FNIP2: variants seen among roughly 807,000 people sequenced by gnomAD.
The protein encoded by FNIP2 is folliculin-interacting protein 2.
Under a neutral mutation model 108.7 loss-of-function variants are expected in FNIP2, and 32 were observed. The ratio of observed to expected loss-of-function variants is 0.29; its 90% CI spans 0.22 to 0.40. The LOEUF (loss-of-function observed/expected upper bound fraction) is 0.40. FNIP2 is among the 10% of genes least tolerant of loss of function. FNIP2 has a pLI of 1.00. For missense variants in FNIP2, 1,202 were observed against 1,381.6 expected (o/e 0.87, Z 2.06); for synonymous variants, 480 against 496.7 (o/e 0.97, Z 0.45).
intron 7 of FNIP2, among the ~76,000 whole-genome samples, chr4:158,846,764 C>T (rs1779424793): frequency 6.6e-6 from 1 of 152,192 alleles, no homozygotes; most frequent in Non-Finnish European, 1.5e-5. Context: ...GAAGCCTCCA[C>T]CGATCGTCCT....
At chr4:158,793,163 T>C (rs1435634095) in intron 1 of FNIP2, among the ~76,000 whole-genome samples, 1 of 152,166 alleles carries the variant, frequency 6.6e-6, no homozygotes, top group Non-Finnish European at 1.5e-5. Context: ...GGGAGTGATA[T>C]AGGGATACTT....
intron 1 of FNIP2, among the ~76,000 whole-genome samples, chr4:158,803,013 A>G (rs1018232604): frequency 6.6e-6 from 1 of 152,244 alleles, no homozygotes; most frequent in Non-Finnish European, 1.5e-5. Context: ...TGGATTCATC[A>G]TGCTTTCATA....
chr4:158,838,152 T>A (rs1778913531), intron 7 of FNIP2, among the ~76,000 whole-genome samples: 1 of 151,846 alleles, frequency 6.6e-6, no homozygotes, highest in Admixed American at 6.6e-5. Context: ...GAGCTCCAAG[T>A]GTGAGAGTTA....
At chr4:158,815,147 C>A (rs1777489777) in intron 1 of FNIP2, among the ~76,000 whole-genome samples, 1 of 152,152 alleles carries the variant, frequency 6.6e-6, no homozygotes, top group African/African-American at 2.4e-5. Flanking sequence ...ATATTATCTC[C>A]ATTTTGCAGA....
intron 1 of FNIP2, among the ~76,000 whole-genome samples, chr4:158,770,049 A>C (rs1775644156): frequency 6.6e-6 from 1 of 152,184 alleles, no homozygotes; most frequent in African/African-American, 2.4e-5. Flanking sequence ...CTTTTCTGAC[A>C]ATGCGGTGAG....
At chr4:158,828,531 G>T (rs1778282131) in intron 2 of FNIP2, among the ~76,000 whole-genome samples, 1 of 152,142 alleles carries the variant, frequency 6.6e-6, no homozygotes, top group African/African-American at 2.4e-5. Flanking sequence ...CAGGAGAATT[G>T]CTTGAACCCG....
Position 158,868,281 on chromosome 4 carries a change from A to C in FNIP2, c.1645A>C (p.Asn549His), listed in dbSNP as rs1158384783. The C allele has an allele frequency of 1.2e-6, 2 of 1,614,060 alleles. No homozygotes were observed. Among genetic ancestry groups the C allele is most frequent in the Non-Finnish European group, 1.7e-6 (2 of 1,179,908 alleles). The change falls in exon 13 of 17, where the codon AAT (asparagine) becomes CAT (histidine). Residue 549 changes from asparagine to histidine, a missense_variant. Around this residue, in one of 5 missense-constraint regions of FNIP2, gnomAD observed 878 missense variants for 990.3 expected, o/e 0.89. Coordinates refer to ENST00000264433, the MANE Select transcript of FNIP2 (RefSeq NM_020840.3). The surrounding 1 kb of genome is among the most constrained non-coding windows in gnomAD (Gnocchi z 4.6). ...TCATGGTGAAGGTGACCAAGTTTTA[A>C]ATGGGAGCAAGATCATAACAGCCTT... ...GNHGEGDQVL[N>H]GSKIITALEK...
intron 14 of FNIP2, among the ~76,000 whole-genome samples, chr4:158,882,476 C>T (rs1440547815): frequency 6.6e-6 from 1 of 152,242 alleles, no homozygotes; most frequent in East Asian, 1.9e-4. Context: ...CTCTGCCTGG[C>T]CGCCACCCCG....
At chr4:158,788,441 T>A (rs986745436) in intron 1 of FNIP2, among the ~76,000 whole-genome samples, 1 of 152,254 alleles carries the variant, frequency 6.6e-6, no homozygotes, top group Admixed American at 6.5e-5. Flanking sequence ...GCTTAGCTCA[T>A]GCTATAATCT....
In FNIP2 at chr4:158,830,248, CTTTTTTTTTTTTTT is replaced by C. The variant is rs35746599; in HGVS notation, c.381+1035_381+1048del. 2.2e-4 allele frequency among the ~76,000 whole-genome samples: 14 copies of C among 63,982 alleles called. No individual in the cohort carries two copies. The South Asian group carries it at 8.6e-3, about 39-fold the overall frequency. The allele number at this position is 63,982 out of a possible 152,430, so 42.0% of individuals were successfully genotyped here. ...GAGCAGGGCTGATAGATTTATCTTT[CTTTTTTTTTTTTTT>C]TTTTTTTTTTTGAGACGGAGTCTCG... is the stretch of plus-strand genomic sequence containing the variant. On this transcript the variant is annotated intron_variant, in intron 3 of 16. Coordinates refer to ENST00000264433, the MANE Select transcript of FNIP2 (RefSeq NM_020840.3).
chr4:158,835,240 T>A, intron 6 of FNIP2, 165 bp from the exon 7 acceptor site: 1 of 384,828 alleles, frequency 2.6e-6, no homozygotes. Flanking sequence ...CTTCTCATCA[T>A]CTTTTTATAT....
At chr4:158,866,858 T>A (rs1780612615) in intron 12 of FNIP2, among the ~76,000 whole-genome samples, 2 of 152,226 alleles carry the variant, frequency 1.3e-5, no homozygotes, top group Admixed American at 1.3e-4. Context: ...ATTACAGGCA[T>A]GAGCCACCGC....
At chr4:158,871,651 G>A (rs369340095) in intron 14 of FNIP2, 14 of 985,224 alleles carry the variant, frequency 1.4e-5, no homozygotes, top group African/African-American at 3.5e-5. Flanking sequence ...GTGGCCAAAC[G>A]TTCCTAACCC....
intron 1 of FNIP2, among the ~76,000 whole-genome samples, chr4:158,823,167 A>G (rs1777976207): frequency 6.6e-6 from 1 of 152,250 alleles, no homozygotes; most frequent in African/African-American, 2.4e-5. Context: ...AAGAAAATGC[A>G]AGGCAATTAA....
At chr4:158,866,748 T>G (rs1413045665) in intron 12 of FNIP2, among the ~76,000 whole-genome samples, 1 of 151,880 alleles carries the variant, frequency 6.6e-6, no homozygotes, top group Non-Finnish European at 1.5e-5. Flanking sequence ...GCTAATTTTT[T>G]GTATTTTTGG....
Position 158,869,254 on chromosome 4 carries a change from G to C in FNIP2, c.2618G>C (p.Gly873Ala). ...GTGGCTGGTGCGAATATCCCCTGTGGGGATGACAACAAGAAGGCCAACTTC... is the reference window on the plus strand; with the variant it reads ...GTGGCTGGTGCGAATATCCCCTGTGCGGATGACAACAAGAAGGCCAACTTC... Reference protein sequence around the residue: ...GLVAGANIPCGDDNKKANFRT... With the variant: ...GLVAGANIPCADDNKKANFRT... The change falls in exon 13 of 17, where the codon GGG becomes GCG. Residue 873 changes from glycine (G) to alanine (A), a missense_variant. By Grantham distance (60) the Gly-to-Ala change is moderately conservative (BLOSUM62 0). Coordinates refer to ENST00000264433, the MANE Select transcript of FNIP2 (RefSeq NM_020840.3). 1.2e-6 allele frequency: 2 copies of C among 1,614,018 alleles called. No individual in the cohort carries two copies. Among genetic ancestry groups the C allele is most frequent in the Non-Finnish European group, 8.5e-7 (1 of 1,179,894 alleles).
intron 1 of FNIP2, among the ~76,000 whole-genome samples, chr4:158,774,159 AT>A (rs1356565339): frequency 6.6e-6 from 1 of 152,238 alleles, no homozygotes; most frequent in East Asian, 1.9e-4. Context: ...AAAGCAAGTT[AT>A]AAATTTATGT....
intron 14 of FNIP2, among the ~76,000 whole-genome samples, chr4:158,885,630 G>A (rs1020703358): frequency 6.6e-6 from 1 of 152,308 alleles, no homozygotes. Context: ...AGCACCTAAT[G>A]TGTTGGGTTC....
chr4:158,801,027 T>TTA (rs1346151208), intron 1 of FNIP2, among the ~76,000 whole-genome samples: 5 of 152,228 alleles, frequency 3.3e-5, no homozygotes, highest in Non-Finnish European at 7.3e-5. Flanking sequence ...GAAAGTTAAA[T>TTA]TATTTCCCAG....
Sources: allele counts gnomAD v4.1 joint callset (sites outside exome capture counted in the v4.1 genomes callset), GRCh38; gene constraint gnomAD v4.1.1; regional missense constraint gnomAD v4.1.1; non-coding constraint Gnocchi (gnomAD v3.1); transcripts MANE v1.5; gene names NCBI Gene and HGNC (gene_info 2026-07-23, HGNC 2026-07-21).